Variants in ITPR2 observed in about 807,000 individuals in gnomAD.
ITPR2 encodes the protein inositol 1,4,5-trisphosphate receptor type 2.
In ITPR2, 207 loss-of-function variants were observed where a neutral mutation model predicts 317.1. That is an observed-to-expected ratio of 0.65 (90% CI 0.58 to 0.73). The LOEUF is 0.73. Among genes scored for constraint, ITPR2 ranks in the 30% least tolerant of loss-of-function variants. The probability of loss-of-function intolerance (pLI) is 0.00; values close to 1 mark genes in which losing one functional copy is unlikely to be tolerated. For synonymous variants in ITPR2, 1,156 were observed against 1,149.1 expected (o/e 1.01, Z -0.12); for missense variants, 2,613 against 3,284.0 (o/e 0.80, Z 4.99).
chr12:26,750,182 G>A (rs532863836), intron 2 of ITPR2, among the ~76,000 whole-genome samples: 56 of 152,262 alleles, frequency 3.7e-4, no homozygotes, highest in African/African-American at 1.1e-3. Flanking sequence ...TTGCAGGTTC[G>A]GATTTCCAAG....
chr12:26,815,637 G>A (rs2137277622), intron 1 of ITPR2, among the ~76,000 whole-genome samples: 1 of 152,040 alleles, frequency 6.6e-6, no homozygotes, highest in East Asian at 1.9e-4. Flanking sequence ...ACATCAAAAG[G>A]ATAGCATGCA....
chr12:26,474,425 T>C (rs1237888321), intron 45 of ITPR2, among the ~76,000 whole-genome samples: 2 of 152,368 alleles, frequency 1.3e-5, no homozygotes, highest in East Asian at 3.8e-4. Flanking sequence ...TTGATCTTCA[T>C]GTTAATTGTA....
At chr12:26,817,138 G>A (rs923928956) in intron 1 of ITPR2, among the ~76,000 whole-genome samples, 13 of 127,502 alleles carry the variant, frequency 1.0e-4, no homozygotes, top group Non-Finnish European at 1.9e-4. Context: ...CCGAGATCAC[G>A]CCACTGCACT....
At chr12:26,610,534 G>A (rs1565638942) in intron 26 of ITPR2, among the ~76,000 whole-genome samples, 2 of 149,196 alleles carry the variant, frequency 1.3e-5, no homozygotes, top group Non-Finnish European at 3.0e-5. Flanking sequence ...AGGAAGGGAG[G>A]GAAGGAAGGA....
At chr12:26,458,243 C>T (rs2136776620) in intron 45 of ITPR2, among the ~76,000 whole-genome samples, 1 of 152,270 alleles carries the variant, frequency 6.6e-6, no homozygotes, top group Middle Eastern at 3.4e-3. Context: ...GTGAGCAGCT[C>T]TGCCAGGCTG....
chr12:26,736,299 C>T (rs1949117302), intron 2 of ITPR2, among the ~76,000 whole-genome samples: 1 of 152,038 alleles, frequency 6.6e-6, no homozygotes, highest in African/African-American at 2.4e-5. Context: ...AGCTTACCAA[C>T]GACTGGGAAA....
chr12:26,520,608 C>T (rs1943637153), intron 37 of ITPR2, among the ~76,000 whole-genome samples: 1 of 152,150 alleles, frequency 6.6e-6, no homozygotes, highest in Non-Finnish European at 1.5e-5. Flanking sequence ...TCTCTTTGCT[C>T]CTGATGTAGG....
intron 9 of ITPR2, among the ~76,000 whole-genome samples, chr12:26,702,586 G>A (rs1023017352): frequency 3.3e-5 from 5 of 152,008 alleles, no homozygotes; most frequent in African/African-American, 1.2e-4. Context: ...CTACAGGCGT[G>A]TGCCACCATG....
chr12:26,347,868 A>C (rs1025937933), intron 55 of ITPR2, among the ~76,000 whole-genome samples: 4 of 152,256 alleles, frequency 2.6e-5, no homozygotes, highest in African/African-American at 9.6e-5. Flanking sequence ...ATTTTGTAGA[A>C]TGCTCTGAAA....
At position 26,376,131 on chromosome 12, in the gene ITPR2, T is replaced by C. The variant is rs75315284; in HGVS notation, c.7857+11303A>G. Among the ~76,000 whole-genome samples, 1,363 of 152,350 alleles carry C rather than the reference T, an allele frequency of 8.9e-3. 24 individuals carry two copies. The highest frequency in any genetic ancestry group is 0.03 in the African/African-American group (1,259 of 41,578). ...TATCCTTGTGGTAATTAACCTTTTT[T>C]AGTAGATTGTCCATTTTAGATTTCT... is the stretch of plus-strand genomic sequence containing the variant. On this transcript the variant is annotated intron_variant, in intron 55 of 56. Transcript: ENST00000381340.
chr12:26,796,452 A>T (rs932990700), intron 1 of ITPR2, among the ~76,000 whole-genome samples: 2 of 152,242 alleles, frequency 1.3e-5, no homozygotes, highest in African/African-American at 2.4e-5. Context: ...GTAAGAAAAA[A>T]ATTGAAATGT....
In ITPR2 at chr12:26,600,035, C is replaced by T; in HGVS notation, c.3753G>A (p.Gln1251=). ...GATGTTTATGAAGAAGAACTTGATTCTGTGGATTTCCTCGACAGAAATTCT... is the reference window on the plus strand; with the variant it reads ...GATGTTTATGAAGAAGAACTTGATTTTGTGGATTTCCTCGACAGAAATTCT... ...FLQNFCRGNP[Q]NQVLLHKHLN... The change falls in exon 29 of 57, where the codon CAG becomes CAA. Residue 1251 remains glutamine, a synonymous_variant. Transcript: ENST00000381340. The T allele has an allele frequency of 6.2e-7, 1 of 1,606,776 alleles. No homozygotes were observed. The highest frequency in any genetic ancestry group is 8.5e-7 in the Non-Finnish European group (1 of 1,173,614).
At chr12:26,716,327 C>T (rs565673194) in intron 5 of ITPR2, 85 bp from the exon 6 acceptor site, 1 of 781,392 alleles carries the variant, frequency 1.3e-6, no homozygotes, top group Non-Finnish European at 2.1e-6. Flanking sequence ...GCACAGGAGT[C>T]CCCATTATTG....
At chr12:26,430,063 T>C (rs941789775) in intron 48 of ITPR2, among the ~76,000 whole-genome samples, 2 of 152,232 alleles carry the variant, frequency 1.3e-5, no homozygotes, top group East Asian at 1.9e-4. Context: ...TTGATCCCTT[T>C]GTGAAAAGAA....
chr12:26,685,133 A>C (rs1035225353), intron 11 of ITPR2, among the ~76,000 whole-genome samples: 1 of 152,166 alleles, frequency 6.6e-6, no homozygotes. Context: ...CTTCAGCTTC[A>C]CCACTGCCAT....
At chr12:26,768,428 A>AAAAAAAT (rs1198755668) in intron 2 of ITPR2, among the ~76,000 whole-genome samples, 1 of 62,922 alleles carries the variant, frequency 1.6e-5, no homozygotes, top group African/African-American at 3.4e-5. Flanking sequence ...AAAAAATTAA[A>AAAAAAAT]AAAAAATAAA....
At position 26,481,173 on chromosome 12, in the gene ITPR2, G is replaced by A. The variant is rs919529323; in HGVS notation, c.6081C>T (p.Asn2027=). ...GGTCCATTCGGTATTTACCAAGAGGGTTTATGTCATTCAGAATCAAAGCAA... is the reference window on the plus strand; with the variant it reads ...GGTCCATTCGGTATTTACCAAGAGGATTTATGTCATTCAGAATCAAAGCAA... ...IIIALILNDI[N]PLGKYRMDLV... The change falls in exon 43 of 57, where the codon AAC becomes AAT. Residue 2027 remains asparagine (N), a synonymous_variant. Coordinates refer to ENST00000381340, the MANE Select transcript of ITPR2 (RefSeq NM_002223.4). 4 of 1,613,466 alleles carry A rather than the reference G, an allele frequency of 2.5e-6. No individual in the cohort carries two copies. The highest frequency in any genetic ancestry group is 3.4e-6 in the Non-Finnish European group (4 of 1,179,442).
intron 1 of ITPR2, among the ~76,000 whole-genome samples, chr12:26,823,119 T>A (rs1950962544): frequency 6.6e-6 from 1 of 152,154 alleles, no homozygotes; most frequent in South Asian, 2.1e-4. Context: ...AGAATCTGAC[T>A]CTTCTGACTT....
At chr12:26,670,356 C>T (rs1047733562) in intron 13 of ITPR2, among the ~76,000 whole-genome samples, 3 of 152,186 alleles carry the variant, frequency 2.0e-5, no homozygotes, top group African/African-American at 7.2e-5. Flanking sequence ...ACAAAACTTC[C>T]AGAGGAACGA....
Sources: allele counts gnomAD v4.1 joint callset (sites outside exome capture counted in the v4.1 genomes callset), GRCh38; gene constraint gnomAD v4.1.1; transcripts MANE v1.5; gene names NCBI Gene and HGNC (gene_info 2026-07-23, HGNC 2026-07-21).